The following MYO16 variants were observed in gnomAD, a reference collection of about 807,000 sequenced individuals.
MYO16 encodes myosin XVI.
Under a neutral mutation model 205.3 loss-of-function variants are expected in MYO16, and 94 were observed. That is an observed-to-expected ratio of 0.46 (90% CI 0.39 to 0.54). MYO16 has a LOEUF of 0.54. Among genes scored for constraint, MYO16 ranks in the 20% least tolerant of loss-of-function variants. MYO16 has a pLI of 0.00. For synonymous variants in MYO16, 988 were observed against 954.0 expected, an observed-to-expected ratio of 1.04 and a Z score of -0.66; for missense variants, 2,315 against 2,387.5, an observed-to-expected ratio of 0.97 and a Z score of 0.63.
chr13:109,078,809 G>A lies in MYO16; in HGVS notation c.3336-21976G>A, dbSNP rs948173291. On this transcript the variant is annotated intron_variant, in intron 27 of 34. Coordinates refer to ENST00000457511, the MANE Select transcript of MYO16 (RefSeq NM_001198950.3). ...TACTGATGCAAAACAATCGAGTTTT[G>A]TACGCAGTGCCCATGAATTACACAG... is the stretch of plus-strand genomic sequence containing the variant. Among the ~76,000 whole-genome samples the A allele has an allele frequency of 2.6e-5, 4 of 152,244 alleles. No individual in the cohort carries two copies. In the East Asian group the frequency reaches 5.8e-4, roughly 22 times the overall value.
At chr13:108,781,304 C>G (rs1178286798) in intron 4 of MYO16, among the ~76,000 whole-genome samples, 4 of 152,318 alleles carry the variant, frequency 2.6e-5, no homozygotes, top group African/African-American at 9.6e-5. Context: ...CAGAAACTGT[C>G]AGGTTTAAGT....
intron 27 of MYO16, among the ~76,000 whole-genome samples, chr13:109,080,711 G>A (rs1305891767): frequency 6.6e-6 from 1 of 152,004 alleles, no homozygotes; most frequent in African/African-American, 2.4e-5. Flanking sequence ...GGAGAACTCT[G>A]AGACATGAAA....
intron 33 of MYO16, among the ~76,000 whole-genome samples, chr13:109,173,886 T>C (rs532259291): frequency 0.038 from 870 of 23,098 alleles, 7 homozygotes; most frequent in South Asian, 0.1. Flanking sequence ...AGACTCCATC[T>C]CAAAAAAAAA....
Position 108,617,491 on chromosome 13 carries a change from T to C in MYO16, c.-39+21252T>C, listed in dbSNP as rs946251167. On this transcript the variant is annotated intron_variant, in intron 1 of 24. Transcript: ENST00000251041. Reference sequence around the variant, plus strand: ...TATACCTGAGTAGTTTTACTCCTCCTCACTATAGCACTGAACAACCTGTTG... The same window carrying C: ...TATACCTGAGTAGTTTTACTCCTCCCCACTATAGCACTGAACAACCTGTTG... Among the ~76,000 whole-genome samples the C allele has an allele frequency of 2.0e-5, 3 of 152,176 alleles. No individual in the cohort carries two copies. In the East Asian group the frequency reaches 5.8e-4, roughly 29 times the overall value.
intron 28 of MYO16, among the ~76,000 whole-genome samples, chr13:109,108,404 T>G (rs1406282059): frequency 6.6e-6 from 1 of 152,274 alleles, no homozygotes; most frequent in Non-Finnish European, 1.5e-5. Flanking sequence ...AGCTTCATTA[T>G]GCATGAAGAG....
At chr13:109,190,915 A>T (rs1469276930) in intron 34 of MYO16, among the ~76,000 whole-genome samples, 1 of 152,142 alleles carries the variant, frequency 6.6e-6, no homozygotes, top group Non-Finnish European at 1.5e-5. Flanking sequence ...GAGTGAGTGG[A>T]TTGCATAAAA....
At chr13:108,698,012 C>T (rs550817071) in intron 2 of MYO16, among the ~76,000 whole-genome samples, 63 of 152,268 alleles carry the variant, frequency 4.1e-4, no homozygotes, top group African/African-American at 1.3e-3. Context: ...TGTGAGCCAC[C>T]GTGCCCGACC....
the MYO16 span, among the ~76,000 whole-genome samples, chr13:108,526,624 T>C: frequency 1.3e-5 from 2 of 152,178 alleles, no homozygotes; most frequent in Non-Finnish European, 2.9e-5. Context: ...TTAATTTAAA[T>C]TATAGTTAAA....
At chr13:108,932,299 G>A (rs1882291069) in intron 16 of MYO16, among the ~76,000 whole-genome samples, 1 of 151,900 alleles carries the variant, frequency 6.6e-6, no homozygotes. Context: ...TGAAGTAATT[G>A]AGCTTCTCCT....
rs61970232 is a variant in MYO16, at chr13:109,035,948, A to G, written c.2797-10968A>G. 6.8e-3 allele frequency among the ~76,000 whole-genome samples: 1,038 copies of G among 152,344 alleles called. 8 individuals carry two copies. Among genetic ancestry groups the G allele is most frequent in the Non-Finnish European group, 0.013 (885 of 68,022 alleles). On this transcript the variant is annotated intron_variant, in intron 23 of 34. Coordinates refer to ENST00000457511, the MANE Select transcript of MYO16 (RefSeq NM_001198950.3). ...CTGGGGTGAAGTTGAAAGCATTTGC[A>G]TTTTTATTAAACACCAGAGGACATT...
chr13:109,189,025 C>T (rs956341600), intron 34 of MYO16, among the ~76,000 whole-genome samples: 1 of 151,124 alleles, frequency 6.6e-6, no homozygotes, highest in Non-Finnish European at 1.5e-5. Flanking sequence ...ACCAGGGAGG[C>T]GAAGGTTGCA....
At chr13:108,763,584 G>A (rs1030210911) in intron 4 of MYO16, among the ~76,000 whole-genome samples, 7 of 152,194 alleles carry the variant, frequency 4.6e-5, no homozygotes, top group Admixed American at 4.6e-4. Context: ...AAAGAAGATG[G>A]AGGGCGAGTT....
chr13:109,178,139 C>A (rs558788607), intron 33 of MYO16, among the ~76,000 whole-genome samples: 6 of 152,140 alleles, frequency 3.9e-5, no homozygotes, highest in Non-Finnish European at 8.8e-5. Flanking sequence ...CACTCCCTTC[C>A]GCCTGTGTGA....
chr13:108,640,250 T>A (rs1880442128), intron 1 of MYO16, among the ~76,000 whole-genome samples: 1 of 152,188 alleles, frequency 6.6e-6, no homozygotes. Flanking sequence ...CAAGAGGCAG[T>A]GTCTGCTAAG....
chr13:108,815,158 T>A (rs1257596912), intron 7 of MYO16, among the ~76,000 whole-genome samples: 2 of 152,182 alleles, frequency 1.3e-5, no homozygotes, highest in African/African-American at 4.8e-5. Context: ...TGAAAACTTA[T>A]GCAAATAGAG....
chr13:108,875,814 C>T (rs939288703), intron 12 of MYO16, among the ~76,000 whole-genome samples: 3 of 152,078 alleles, frequency 2.0e-5, no homozygotes, highest in Non-Finnish European at 4.4e-5. Context: ...GTGGAGTCTG[C>T]AGTGATCTGT....
At chr13:108,889,254 A>C (rs202064073) in intron 14 of MYO16, among the ~76,000 whole-genome samples, 1 of 136,556 alleles carries the variant, frequency 7.3e-6, no homozygotes, top group Non-Finnish European at 1.6e-5. Context: ...ATTTTAAACT[A>C]TTTGGAAACA....
chr13:108,681,325 G>A (rs1476651644), intron 2 of MYO16, among the ~76,000 whole-genome samples: 1 of 152,164 alleles, frequency 6.6e-6, no homozygotes, highest in African/African-American at 2.4e-5. Flanking sequence ...AAAAGGCTTT[G>A]CTCTTCACCC....
Position 109,009,067 on chromosome 13 carries a change from T to C in MYO16, c.2595+18T>C. On this transcript the variant is annotated intron_variant, in intron 22 of 34. Coordinates refer to ENST00000457511, the MANE Select transcript of MYO16 (RefSeq NM_001198950.3). ...TTTTCCAGGTATTCATATAATATAA[T>C]TAGATACTTAACAGGATATATGGGT... The C allele has an allele frequency of 6.4e-7, 1 of 1,556,650 alleles. No homozygotes were observed. Among genetic ancestry groups the C allele is most frequent in the Non-Finnish European group, 8.7e-7 (1 of 1,153,132 alleles).
Sources: allele counts gnomAD v4.1 joint callset (sites outside exome capture counted in the v4.1 genomes callset), GRCh38; gene constraint gnomAD v4.1.1; transcripts MANE v1.5; gene names NCBI Gene and HGNC (gene_info 2026-07-23, HGNC 2026-07-21).